USP43: variants seen among roughly 807,000 people sequenced by gnomAD.
USP43 encodes ubiquitin carboxyl-terminal hydrolase 43.
A neutral mutation model predicts 90.7 loss-of-function variants in USP43; 33 were observed. The observed-to-expected ratio is 0.36, with a 90% CI of 0.28 to 0.49. The LOEUF (loss-of-function observed/expected upper bound fraction) is 0.49. USP43 is among the 20% of genes least tolerant of loss of function. The probability of loss-of-function intolerance (pLI) is 0.98; values close to 1 mark genes in which losing one functional copy is unlikely to be tolerated. For synonymous variants in USP43, 598 were observed against 615.8 expected, an observed-to-expected ratio of 0.97 and a Z score of 0.43; for missense variants, 1,274 against 1,476.4, an observed-to-expected ratio of 0.86 and a Z score of 2.25.
At chr17:9,681,462 TTATATA>T (rs1184883523) in intron 6 of USP43, among the ~76,000 whole-genome samples, 124 of 18,520 alleles carry the variant, frequency 6.7e-3, no homozygotes, top group Non-Finnish European at 8.0e-3. Flanking sequence ...ATAAAATATA[TTATATA>T]TATATATATA....
intron 1 of USP43, among the ~76,000 whole-genome samples, chr17:9,646,836 T>C (rs1474274488): frequency 3.3e-5 from 5 of 152,038 alleles, no homozygotes; most frequent in African/African-American, 1.2e-4. Context: ...ATTTTGGAGA[T>C]AGCATCCTTT....
intron 1 of USP43, among the ~76,000 whole-genome samples, chr17:9,653,117 C>A (rs1911991780): frequency 6.6e-6 from 1 of 152,166 alleles, no homozygotes; most frequent in South Asian, 2.1e-4. Flanking sequence ...AGTGGAATTG[C>A]TGTTTATGGA....
chr17:9,720,534 G>T (rs1916889260), intron 14 of USP43, among the ~76,000 whole-genome samples: 2 of 151,272 alleles, frequency 1.3e-5, no homozygotes. Flanking sequence ...TGTTGCCCAG[G>T]CTGGAGTGCA....
chr17:9,655,261 C>T (rs1001982143), intron 1 of USP43, among the ~76,000 whole-genome samples: 9 of 152,234 alleles, frequency 5.9e-5, no homozygotes, highest in South Asian at 2.1e-4. Flanking sequence ...GTGGGTCCCA[C>T]GGCCATCACG....
chr17:9,645,281 C>T (rs765813471), upstream of USP43: 15 of 174,514 alleles, frequency 8.6e-5, no homozygotes, highest in Non-Finnish European at 1.6e-4. This position sits in a 1 kb window ranked among gnomAD's most constrained non-coding sequence, Gnocchi z 6.8. Context: ...GTAATTTCCA[C>T]TGCTTGAAGG....
intron 1 of USP43, among the ~76,000 whole-genome samples, chr17:9,654,039 C>T (rs1341386468): frequency 6.6e-6 from 1 of 152,036 alleles, no homozygotes; most frequent in African/African-American, 2.4e-5. Flanking sequence ...AAAGGATGAG[C>T]TGGTTTTAGA....
At chr17:9,683,149 C>T (rs75922555) in intron 7 of USP43, among the ~76,000 whole-genome samples, 191 bp downstream of exon 7, 6 of 152,306 alleles carry the variant, frequency 3.9e-5, no homozygotes, top group Non-Finnish European at 7.3e-5. Flanking sequence ...TCATTCCTAA[C>T]CATCAGACAT....
rs147739545 is a variant in USP43, at chr17:9,650,223, A to G, written c.504+4087A>G. Among the ~76,000 whole-genome samples, 167 of 152,348 alleles carry G rather than the reference A, an allele frequency of 1.1e-3. 4 individuals are homozygous for G. The East Asian group carries it at 0.027, about 24-fold the overall frequency. On this transcript the variant is annotated intron_variant, in intron 1 of 14. Coordinates refer to ENST00000285199, the MANE Select transcript of USP43 (RefSeq NM_153210.5). ...GCTTAATTCCTACAAATGGAATTAC[A>G]TAGTCAAAGCAAAAGTATGACTGTT...
Position 9,656,241 on chromosome 17 carries a change from C to T in USP43, c.505-162C>T, listed in dbSNP as rs368107733. 3.8e-4 allele frequency among the ~76,000 whole-genome samples: 58 copies of T among 152,122 alleles called. 2 individuals carry two copies. Among genetic ancestry groups the T allele is most frequent in the Admixed American group, 2.0e-3 (30 of 15,280 alleles). On this transcript the variant is annotated intron_variant, in intron 1 of 14. Transcript: ENST00000285199. ...ATTTGGGGACATTGCCCCAAAAGGACGGGCTTTGGCGTGAAAGAACATTTC... is the reference window on the plus strand; with the variant it reads ...ATTTGGGGACATTGCCCCAAAAGGATGGGCTTTGGCGTGAAAGAACATTTC...
chr17:9,722,978 A>AC (rs1189151877), intron 14 of USP43, among the ~76,000 whole-genome samples: 1 of 151,132 alleles, frequency 6.6e-6, no homozygotes, highest in Non-Finnish European at 1.5e-5. Context: ...CCTCTTTGTC[A>AC]CCCCCCATCT....
chr17:9,645,450 G>A (rs542941374), upstream of USP43: 153 of 447,730 alleles, frequency 3.4e-4, no homozygotes, highest in African/African-American at 2.9e-3. This position sits in a 1 kb window ranked among gnomAD's most constrained non-coding sequence, Gnocchi z 6.8. Context: ...GGGGCTGGTC[G>A]TGCCGCCGGA....
rs1916066851 is a variant in USP43 at position 9,709,559 on chromosome 17, T to C, written c.2012-397T>C. Among the ~76,000 whole-genome samples the C allele has an allele frequency of 6.6e-6, 1 of 151,790 alleles. No homozygotes were observed. The highest frequency in any genetic ancestry group is 6.6e-5 in the Admixed American group (1 of 15,234). On this transcript the variant is annotated intron_variant, in intron 12 of 14. Coordinates refer to ENST00000285199, the MANE Select transcript of USP43 (RefSeq NM_153210.5). The surrounding 1 kb of genome is among the most constrained non-coding windows in gnomAD (Gnocchi z 5.0). ...GGTGAAACCCCATCTCTAATAAAAA[T>C]ATAAATATTAGCCGGGTGTGGTGGC...
intron 12 of USP43, among the ~76,000 whole-genome samples, chr17:9,704,172 C>CAA (rs1915739365): frequency 6.6e-6 from 1 of 152,162 alleles, no homozygotes; most frequent in Non-Finnish European, 1.5e-5. Flanking sequence ...GGTTCTTTTT[C>CAA]ACAGGTGCTC....
intron 1 of USP43, among the ~76,000 whole-genome samples, chr17:9,654,415 G>A (rs1912086980): frequency 6.6e-6 from 1 of 152,062 alleles, no homozygotes. Flanking sequence ...TGGGGAAGCC[G>A]AGGCGGGCGG....
chr17:9,682,829 C>A lies in USP43; in HGVS notation c.1112C>A (p.Pro371Gln). 6.2e-7 allele frequency: 1 copy of A among 1,613,926 alleles called. No individual in the cohort carries two copies. Among genetic ancestry groups the A allele is most frequent in the Non-Finnish European group, 8.5e-7 (1 of 1,179,850 alleles). Residue 371 changes from proline to glutamine, a missense_variant, in exon 7 of 15, where the codon CCA (proline) becomes CAA (glutamine). Physicochemically the swap from Pro to Gln is moderately conservative, Grantham distance 76 (BLOSUM62 -1). Coordinates refer to ENST00000285199, the MANE Select transcript of USP43 (RefSeq NM_153210.5). ...GTCATTCTCTCCCTTCTAGCTCATC[C>A]ACTGGGTCTGTCGGCCTCCCCACGC... ...SPSQGTLSAH[P>Q]LGLSASPRLA...
intron 1 of USP43, among the ~76,000 whole-genome samples, chr17:9,655,508 C>T (rs1912179325): frequency 6.6e-6 from 1 of 152,152 alleles, no homozygotes. Flanking sequence ...TTACTCTTTG[C>T]AATAAACTTT....
intron 3 of USP43, among the ~76,000 whole-genome samples, chr17:9,668,199 T>A (rs1187681043): frequency 1.3e-5 from 2 of 152,250 alleles, no homozygotes; most frequent in Admixed American, 6.5e-5. Flanking sequence ...GGATAATATT[T>A]CCTTTGCATT....
At chr17:9,715,199 G>A (rs79253912) in intron 14 of USP43, among the ~76,000 whole-genome samples, 4,590 of 152,288 alleles carry the variant, frequency 0.03, 96 homozygotes, top group African/African-American at 0.052. Flanking sequence ...GTCAGATCAC[G>A]CCTGGAACCC....
intron 1 of USP43, 147 bp downstream of exon 1, chr17:9,646,283 G>T (rs148573257): frequency 7.4e-5 from 81 of 1,096,540 alleles, no homozygotes; most frequent in Non-Finnish European, 8.9e-5. Context: ...GTTTTGAGTC[G>T]ATGTGTTACG....
Sources: gnomAD v4.1 joint callset for allele counts (sites outside exome capture counted in the v4.1 genomes callset) on GRCh38, gnomAD v4.1.1 for gene constraint, Gnocchi (gnomAD v3.1) non-coding constraint, MANE v1.5 for transcripts, NCBI Gene and HGNC (gene_info 2026-07-23, HGNC 2026-07-21) for gene names.